PTPRN2: variants seen among roughly 807,000 people sequenced by gnomAD.
PTPRN2 encodes the protein receptor-type tyrosine-protein phosphatase N2.
In PTPRN2, 74 loss-of-function variants were observed where a neutral mutation model predicts 118.8. The ratio of observed to expected loss-of-function variants is 0.62; its 90% confidence interval spans 0.52 to 0.76. PTPRN2 has a LOEUF of 0.76. Among genes scored for constraint, PTPRN2 ranks in the 30% least tolerant of loss-of-function variants. The pLI is 0.00. For missense variants in PTPRN2, 1,481 were observed against 1,394.4 expected, an observed-to-expected ratio of 1.06 and a Z score of -0.99; for synonymous variants, 641 against 608.0, an observed-to-expected ratio of 1.05 and a Z score of -0.80.
chr7:158,150,834 C>A (rs1201486306), intron 6 of PTPRN2, among the ~76,000 whole-genome samples: 3 of 152,044 alleles, frequency 2.0e-5, no homozygotes, highest in Non-Finnish European at 2.9e-5. Context: ...GATGGTTGCA[C>A]CCCAGCCACT....
intron 11 of PTPRN2, among the ~76,000 whole-genome samples, chr7:157,917,073 C>T (rs1021060352): frequency 3.3e-5 from 5 of 149,804 alleles, no homozygotes; most frequent in Non-Finnish European, 5.9e-5. Flanking sequence ...CAGGGGCTGG[C>T]CATGCACCCC....
intron 3 of PTPRN2, among the ~76,000 whole-genome samples, chr7:158,283,509 G>A (rs1365179958): frequency 1.3e-5 from 2 of 152,112 alleles, no homozygotes; most frequent in Middle Eastern, 3.2e-3. Context: ...GACTGGCCAC[G>A]TCGTGGAGTC....
At chr7:158,244,144 C>T (rs1796052363) in intron 3 of PTPRN2, among the ~76,000 whole-genome samples, 1 of 152,208 alleles carries the variant, frequency 6.6e-6, no homozygotes, top group Non-Finnish European at 1.5e-5. Flanking sequence ...AACAAGCTGC[C>T]TCCTTCCCCC....
intron 4 of PTPRN2, among the ~76,000 whole-genome samples, chr7:158,200,279 T>C (rs1563594715): frequency 6.6e-6 from 1 of 152,306 alleles, no homozygotes; most frequent in East Asian, 1.9e-4. Flanking sequence ...AAGGCCCTAC[T>C]CATTTAGGAA....
Position 157,559,568 on chromosome 7 carries a change from C to T in PTPRN2, c.2902+9334G>A, listed in dbSNP as rs912309456. Among the ~76,000 whole-genome samples the T allele has an allele frequency of 4.6e-5, 7 of 152,240 alleles. No homozygotes were observed. In the East Asian group the frequency reaches 1.2e-3, roughly 25 times the overall value. ...GAGCAACCAGGCTGTGAGCAAGATG[C>T]GCACAGAGGACGGAGAGGACCCAGG... is the stretch of plus-strand genomic sequence containing the variant. On this transcript the variant is annotated intron_variant, in intron 21 of 22. Coordinates refer to ENST00000389418, the MANE Select transcript of PTPRN2 (RefSeq NM_002847.5).
chr7:158,171,189 C>T (rs527894433), intron 5 of PTPRN2, among the ~76,000 whole-genome samples: 261 of 136,566 alleles, frequency 1.9e-3, no homozygotes, highest in African/African-American at 7.1e-3. Flanking sequence ...TATATACACA[C>T]ATACATATAT....
intron 2 of PTPRN2, among the ~76,000 whole-genome samples, chr7:158,383,349 A>G (rs1455409129): frequency 6.6e-6 from 1 of 152,224 alleles, no homozygotes; most frequent in Non-Finnish European, 1.5e-5. Flanking sequence ...TATTTGCTTC[A>G]GAACAGAGCA....
intron 2 of PTPRN2, among the ~76,000 whole-genome samples, chr7:158,342,227 C>A (rs1807015887): frequency 7.3e-6 from 1 of 137,292 alleles, no homozygotes; most frequent in African/African-American, 2.8e-5. Flanking sequence ...CTCACACTCA[C>A]ACTCTCACCA....
At chr7:158,150,043 G>T (rs537580036) in intron 6 of PTPRN2, among the ~76,000 whole-genome samples, 1 of 152,304 alleles carries the variant, frequency 6.6e-6, no homozygotes, top group East Asian at 1.9e-4. Flanking sequence ...GGCATCAAGG[G>T]CATGAATGAT....
intron 12 of PTPRN2, among the ~76,000 whole-genome samples, chr7:157,791,764 C>A (rs1804516204): frequency 6.6e-6 from 1 of 152,232 alleles, no homozygotes; most frequent in Non-Finnish European, 1.5e-5. Flanking sequence ...ATGTCACAAA[C>A]ACAAAGCGTT....
intron 2 of PTPRN2, among the ~76,000 whole-genome samples, chr7:158,428,686 G>A (rs1213228605): frequency 6.6e-6 from 1 of 151,812 alleles, no homozygotes; most frequent in African/African-American, 2.4e-5. Flanking sequence ...GTCGTTTTTA[G>A]TCAGTGATCC....
intron 2 of PTPRN2, among the ~76,000 whole-genome samples, chr7:158,380,186 CT>C (rs1166570218): frequency 6.6e-6 from 1 of 152,168 alleles, no homozygotes; most frequent in Non-Finnish European, 1.5e-5. Context: ...CCAATCATAT[CT>C]TCCCAACAGC....
intron 1 of PTPRN2, among the ~76,000 whole-genome samples, chr7:158,549,634 G>A (rs780214545): frequency 2.1e-4 from 32 of 152,260 alleles, no homozygotes; most frequent in Non-Finnish European, 4.3e-4. Context: ...TGCAGCCAGG[G>A]CTCGCTCCAA....
intron 3 of PTPRN2, among the ~76,000 whole-genome samples, chr7:158,270,315 T>C (rs1408842144): frequency 6.6e-6 from 1 of 151,878 alleles, no homozygotes; most frequent in African/African-American, 2.4e-5. Flanking sequence ...GCCAGCTTTA[T>C]AGGTGCAGAG....
At chr7:157,604,396 T>C (rs59766201) in intron 15 of PTPRN2, among the ~76,000 whole-genome samples, 1,685 of 152,312 alleles carry the variant, frequency 0.011, 28 homozygotes, top group African/African-American at 0.039. Context: ...ACGAACGGCA[T>C]GTGGGGAACT....
chr7:157,833,370 A>C (rs1300398523), intron 12 of PTPRN2, among the ~76,000 whole-genome samples: 8 of 147,900 alleles, frequency 5.4e-5, no homozygotes, highest in African/African-American at 7.6e-5. Flanking sequence ...ATATGATGGT[A>C]AACTCGTCCA....
At chr7:158,152,000 C>G (rs36066197) in intron 6 of PTPRN2, among the ~76,000 whole-genome samples, 9 of 151,198 alleles carry the variant, frequency 6.0e-5, no homozygotes, top group Non-Finnish European at 1.2e-4. Context: ...GGTGAAACCC[C>G]GTCTCTACTA....
intron 12 of PTPRN2, among the ~76,000 whole-genome samples, chr7:157,738,588 A>G (rs369481104): frequency 1.3e-5 from 2 of 152,232 alleles, no homozygotes; most frequent in East Asian, 3.8e-4. Context: ...CGCTTAGGAC[A>G]AAATCCATGT....
chr7:158,037,002 A>C (rs750342079), intron 11 of PTPRN2, among the ~76,000 whole-genome samples: 12 of 152,212 alleles, frequency 7.9e-5, no homozygotes, highest in Non-Finnish European at 1.6e-4. Flanking sequence ...ACTGCCAATC[A>C]AGCAATTATA....
Sources: gnomAD v4.1 joint callset for allele counts (sites outside exome capture counted in the v4.1 genomes callset) on GRCh38, gnomAD v4.1.1 for gene constraint, MANE v1.5 for transcripts, NCBI Gene and HGNC (gene_info 2026-07-23, HGNC 2026-07-21) for gene names.